Variants in SLC9A9 observed in about 807,000 individuals in gnomAD.
The protein encoded by SLC9A9 is solute carrier family 9 member A9.
SLC9A9 carries 62 observed loss-of-function variants against 77.8 expected under a neutral mutation model. The observed-to-expected ratio is 0.80, with a 90% CI of 0.65 to 0.98. The LOEUF is 0.98. Ranked by LOEUF, SLC9A9 falls within the 50% of genes least tolerant of loss-of-function variation. The probability of loss-of-function intolerance (pLI) is 0.00; values close to 1 mark genes in which losing one functional copy is unlikely to be tolerated. For synonymous variants in SLC9A9, 320 were observed against 283.5 expected (o/e 1.13, Z -1.29); for missense variants, 775 against 774.9 (o/e 1.00, Z 0.00).
In SLC9A9 at chr3:143,637,328, A is replaced by T. The variant is rs1302198921; in HGVS notation, c.755+14927T>A. ...CTGGAAATGAAAAATTTACAGATGG[A>T]ATTACAAAATACAGTTGAAAGCTTT... is the stretch of plus-strand genomic sequence containing the variant. On this transcript the variant is annotated intron_variant, in intron 6 of 15. Transcript: ENST00000316549. 3.3e-5 allele frequency among the ~76,000 whole-genome samples: 5 copies of T among 152,244 alleles called. 1 individual carries two copies. Among genetic ancestry groups the T allele is most frequent in the Non-Finnish European group, 5.9e-5 (4 of 68,034 alleles).
chr3:143,615,877 TA>T (rs2038095507), intron 6 of SLC9A9, among the ~76,000 whole-genome samples: 1 of 148,344 alleles, frequency 6.7e-6, no homozygotes, highest in African/African-American at 2.4e-5. Context: ...TTTATAACTT[TA>T]AATTTCTTTT....
chr3:143,568,176 T>C (rs899441493), intron 8 of SLC9A9, among the ~76,000 whole-genome samples: 1 of 152,140 alleles, frequency 6.6e-6, no homozygotes, highest in Non-Finnish European at 1.5e-5. Flanking sequence ...AGGGTCTCAA[T>C]AGGGCTCTGC....
chr3:143,636,494 AG>A (rs774594030), intron 6 of SLC9A9, among the ~76,000 whole-genome samples: 1 of 151,574 alleles, frequency 6.6e-6, no homozygotes, highest in African/African-American at 2.4e-5. Flanking sequence ...TTATAGATTT[AG>A]GGGGTACAGG....
At chr3:143,307,001 C>T (rs2030815945) in intron 14 of SLC9A9, among the ~76,000 whole-genome samples, 1 of 152,176 alleles carries the variant, frequency 6.6e-6, no homozygotes, top group Admixed American at 6.5e-5. Context: ...GAGGTCCTCC[C>T]CACTCTCTGT....
intron 9 of SLC9A9, among the ~76,000 whole-genome samples, chr3:143,499,948 CT>C (rs1405784846): frequency 1.3e-5 from 2 of 152,166 alleles, no homozygotes; most frequent in South Asian, 2.1e-4. Context: ...ATATATTAAC[CT>C]TTTTTATATA....
At chr3:143,509,886 T>C (rs532059039) in intron 9 of SLC9A9, among the ~76,000 whole-genome samples, 320 of 152,344 alleles carry the variant, frequency 2.1e-3, no homozygotes, top group Non-Finnish European at 3.5e-3. Context: ...CTGTAAAACA[T>C]ACTGTCTAAT....
chr3:143,332,691 G>A (rs2031811371), intron 14 of SLC9A9, among the ~76,000 whole-genome samples: 1 of 152,200 alleles, frequency 6.6e-6, no homozygotes, highest in African/African-American at 2.4e-5. Flanking sequence ...CCACTTGTCT[G>A]TAAATCTGAT....
At chr3:143,346,564 G>T (rs1008641187) in intron 14 of SLC9A9, among the ~76,000 whole-genome samples, 16 of 152,128 alleles carry the variant, frequency 1.1e-4, no homozygotes, top group Non-Finnish European at 2.2e-4. Flanking sequence ...AGTCGGGGGG[G>T]ATCACTTGAG....
chr3:143,664,532 G>T (rs1179998180), intron 5 of SLC9A9, among the ~76,000 whole-genome samples: 1 of 152,150 alleles, frequency 6.6e-6, no homozygotes, highest in Non-Finnish European at 1.5e-5. Context: ...GACACAGACT[G>T]GCAAATTGGA....
chr3:143,532,340 A>G (rs963754886), intron 9 of SLC9A9, among the ~76,000 whole-genome samples: 1 of 152,202 alleles, frequency 6.6e-6, no homozygotes, highest in South Asian at 2.1e-4. Flanking sequence ...CCAGCACACT[A>G]CTGGATATAA....
intron 15 of SLC9A9, among the ~76,000 whole-genome samples, 191 bp from the exon 16 acceptor site, chr3:143,267,120 C>G (rs996578156): frequency 7.9e-5 from 12 of 151,936 alleles, no homozygotes; most frequent in Admixed American, 7.9e-4. Flanking sequence ...ATATCTGATG[C>G]TGTACAGCCA....
At chr3:143,307,279 T>TA (rs1166104381) in intron 14 of SLC9A9, among the ~76,000 whole-genome samples, 1 of 152,244 alleles carries the variant, frequency 6.6e-6, no homozygotes, top group Non-Finnish European at 1.5e-5. Flanking sequence ...AGATGGTTGT[T>TA]AAACACTTAC....
intron 13 of SLC9A9, among the ~76,000 whole-genome samples, chr3:143,380,497 C>T (rs1251602936): frequency 6.6e-6 from 1 of 152,050 alleles, no homozygotes; most frequent in Non-Finnish European, 1.5e-5. Context: ...AATTATTTGA[C>T]CTACACAAGA....
chr3:143,291,969 G>C (rs932961738), intron 14 of SLC9A9, among the ~76,000 whole-genome samples: 2 of 152,244 alleles, frequency 1.3e-5, no homozygotes, highest in Non-Finnish European at 2.9e-5. Flanking sequence ...CTCTAAGCCA[G>C]TGGGGATGGG....
At chr3:143,282,263 C>G (rs1018073378) in intron 14 of SLC9A9, among the ~76,000 whole-genome samples, 1 of 152,174 alleles carries the variant, frequency 6.6e-6, no homozygotes, top group Non-Finnish European at 1.5e-5. Context: ...CATACCCCCC[C>G]AAACCCACAA....
At chr3:143,792,149 T>C (rs1476908744) in intron 4 of SLC9A9, among the ~76,000 whole-genome samples, 2 of 152,152 alleles carry the variant, frequency 1.3e-5, no homozygotes, top group African/African-American at 4.8e-5. Flanking sequence ...AGATGGATAA[T>C]CCATGCAAAG....
intron 3 of SLC9A9, 35 bp from the exon 4 acceptor site, chr3:143,795,112 C>T (rs1553794634): frequency 6.4e-7 from 1 of 1,573,222 alleles, no homozygotes. Context: ...TAGAGTACAT[C>T]AGAATTTTTT....
intron 14 of SLC9A9, among the ~76,000 whole-genome samples, chr3:143,327,444 A>G (rs1210956048): frequency 3.3e-5 from 5 of 152,194 alleles, no homozygotes; most frequent in Non-Finnish European, 7.4e-5. Flanking sequence ...TATGAGTTTT[A>G]ATTCAAGAGG....
At chr3:143,808,616 T>C (rs1263118335) in intron 2 of SLC9A9, among the ~76,000 whole-genome samples, 1 of 152,216 alleles carries the variant, frequency 6.6e-6, no homozygotes, top group Non-Finnish European at 1.5e-5. Flanking sequence ...TTTTATTTCA[T>C]GATCTAGGTT....
Sources: allele counts gnomAD v4.1 joint callset (sites outside exome capture counted in the v4.1 genomes callset), GRCh38; gene constraint gnomAD v4.1.1; transcripts MANE v1.5; gene names NCBI Gene and HGNC (gene_info 2026-07-23, HGNC 2026-07-21).